The following MYOM3 variants were observed in gnomAD, a reference collection of about 807,000 sequenced individuals.
MYOM3 encodes the protein myomesin-3.
MYOM3 carries 155 observed loss-of-function variants against 191.7 expected under a neutral mutation model. That is an observed-to-expected ratio of 0.81 (90% CI 0.71 to 0.92). The LOEUF is 0.92. Among genes scored for constraint, MYOM3 ranks in the 40% least tolerant of loss-of-function variants. MYOM3 has a pLI of 0.00. For missense variants in MYOM3, 1,889 were observed against 1,890.6 expected (o/e 1.00, Z 0.02); for synonymous variants, 757 against 762.9 (o/e 0.99, Z 0.13).
At chr1:24,068,160 C>T in intron 26 of MYOM3, 63 bp downstream of exon 26, 1 of 1,547,858 alleles carries the variant, frequency 6.5e-7, no homozygotes, top group South Asian at 1.1e-5. Context: ...GGCTGCAGGG[C>T]AGGCCAGGTG....
intron 6 of MYOM3, 47 bp from the exon 7 acceptor site, chr1:24,098,058 A>G: frequency 1.6e-6 from 2 of 1,256,108 alleles, no homozygotes; most frequent in Non-Finnish European, 2.3e-6. Flanking sequence ...GCTGGGCTCC[A>G]TGGGAAACAC....
chr1:24,060,444 G>A (rs1643356877), intron 35 of MYOM3, among the ~76,000 whole-genome samples: 1 of 152,208 alleles, frequency 6.6e-6, no homozygotes, highest in African/African-American at 2.4e-5. Flanking sequence ...TCTTAGAGCT[G>A]TGCTGTCTCC....
intron 3 of MYOM3, among the ~76,000 whole-genome samples, chr1:24,107,693 G>T (rs1436328882): frequency 6.6e-6 from 1 of 152,134 alleles, no homozygotes; most frequent in Non-Finnish European, 1.5e-5. Flanking sequence ...TGCTCCTTCT[G>T]TCCCATTCTT....
chr1:24,079,915 A>G (rs1347149360), intron 20 of MYOM3, 101 bp downstream of exon 20: 6 of 1,114,918 alleles, frequency 5.4e-6, no homozygotes, highest in Non-Finnish European at 7.6e-6. Context: ...CTCTGCTTCC[A>G]TTAAGTGAGA....
chr1:24,100,682 C>A (rs796286379), intron 5 of MYOM3, among the ~76,000 whole-genome samples: 1 of 152,084 alleles, frequency 6.6e-6, no homozygotes, highest in East Asian at 1.9e-4. Context: ...GTCAGGAGCT[C>A]GAGACTATCC....
At chr1:24,067,283 C>CTTT (rs1557602218) in intron 27 of MYOM3, among the ~76,000 whole-genome samples, 195 bp from the exon 28 acceptor site, 6 of 108,732 alleles carry the variant, frequency 5.5e-5, no homozygotes, top group South Asian at 2.8e-4. Context: ...TTTCTTCCTT[C>CTTT]CTTTCTTTCT....
chr1:24,111,333 A>G lies in MYOM3; in HGVS notation c.-19+698T>C, dbSNP rs1432189678. ...CTCTCCCCTTCTTCAGGAGGGAAAG[A>G]GGAATGCACAGCAGTTGAGCCAAGA... is the stretch of plus-strand genomic sequence containing the variant. On this transcript the variant is annotated intron_variant, in intron 1 of 36. Transcript: ENST00000374434. The surrounding 1 kb of genome is among the most constrained non-coding windows in gnomAD (Gnocchi z 4.7). Among the ~76,000 whole-genome samples the G allele has an allele frequency of 6.6e-6, 1 of 152,322 alleles. No homozygotes were observed. The highest frequency in any genetic ancestry group is 1.9e-4 in the East Asian group (1 of 5,178).
chr1:24,093,328 G>A (rs781633644), intron 9 of MYOM3, among the ~76,000 whole-genome samples: 14 of 152,170 alleles, frequency 9.2e-5, no homozygotes, highest in Non-Finnish European at 1.9e-4. Flanking sequence ...GGAAGGGCCA[G>A]TGCGGGGCTG....
chr1:24,084,259 C>T (rs968099239), intron 16 of MYOM3: 1 of 570,524 alleles, frequency 1.8e-6, no homozygotes, highest in South Asian at 2.0e-5. Context: ...TTCTCCCTCT[C>T]CTGCTCCCGC....
chr1:24,105,137 C>G (rs945577843), intron 5 of MYOM3, among the ~76,000 whole-genome samples: 1 of 152,160 alleles, frequency 6.6e-6, no homozygotes, highest in African/African-American at 2.4e-5. Flanking sequence ...GCCATGGTTC[C>G]CCTCCCAGGA....
chr1:24,107,032 G>A (rs1228192825), intron 4 of MYOM3, 41 bp downstream of exon 4: 2 of 1,554,428 alleles, frequency 1.3e-6, no homozygotes, highest in Non-Finnish European at 1.7e-6. Flanking sequence ...GTGGTGCGTC[G>A]CAGGTCCCAG....
In MYOM3 at chr1:24,071,147, G is replaced by T. The variant is rs778606490; in HGVS notation, c.3120C>A (p.Ile1040=). The stretch of plus-strand genomic sequence containing the variant: ...AGCTGAAGATCTCCTTGTTGTTGAA[G>T]ATTAGATGTAGCTCAGCGGCTGGAG... ...KLSPAAELHL[I]FNNKEIFSSP... The change falls in exon 25 of 37, where the codon ATC becomes ATA. Residue 1040 remains isoleucine (I), a synonymous_variant. Transcript: ENST00000374434. 1.9e-6 allele frequency: 3 copies of T among 1,614,132 alleles called. No individual in the cohort carries two copies. In the East Asian group the frequency reaches 6.7e-5, roughly 36 times the overall value.
At chr1:24,110,366 G>GGGTA (rs1557620780) in intron 1 of MYOM3, among the ~76,000 whole-genome samples, 1 of 152,022 alleles carries the variant, frequency 6.6e-6, no homozygotes, top group Non-Finnish European at 1.5e-5. Context: ...GTGCATGTGT[G>GGGTA]TGTATGTGTG....
At chr1:24,075,100 A>AGAAAAGAAAAGAAAAGAAAG (rs930794730) in intron 22 of MYOM3, among the ~76,000 whole-genome samples, 3 of 152,134 alleles carry the variant, frequency 2.0e-5, no homozygotes, top group African/African-American at 7.2e-5. Flanking sequence ...AGAAAAGAAA[A>AGAAAAGAAAAGAAAAGAAAG]GAAAAGAAGA....
At chr1:24,086,527 C>T in intron 15 of MYOM3, 117 bp downstream of exon 15, 1 of 1,053,014 alleles carries the variant, frequency 9.5e-7, no homozygotes. Flanking sequence ...TTTTCAGCTT[C>T]ATGATGGGTA....
Position 24,099,739 on chromosome 1 carries a change from A to T in MYOM3, c.597T>A (p.Phe199Leu). The T allele has an allele frequency of 6.2e-7, 1 of 1,614,134 alleles. No individual in the cohort carries two copies. The highest frequency in any genetic ancestry group is 1.6e-4 in the Middle Eastern group (1 of 6,062). Residue 199 changes from phenylalanine (F) to leucine (L), a missense_variant, in exon 6 of 37, where the codon TTT becomes TTA. Physicochemically the swap from Phe to Leu is conservative, Grantham distance 22. Transcript: ENST00000374434. ...TGGTGATTCGGTATTTTCCGGCACG[A>T]AAGAGGCGGGGATCAATCCGTGTGT... is the stretch of plus-strand genomic sequence containing the variant. ...KNDTRIDPRL[F>L]RAGKYRITNN...
chr1:24,110,125 T>A (rs1644026147), intron 1 of MYOM3, among the ~76,000 whole-genome samples: 1 of 152,130 alleles, frequency 6.6e-6, no homozygotes, highest in Non-Finnish European at 1.5e-5. Context: ...AGGGCCCCCC[T>A]GATGCTAAAG....
At chr1:24,107,289 CTGG>C in intron 3 of MYOM3, 57 bp from the exon 4 acceptor site, 4 of 1,470,518 alleles carry the variant, frequency 2.7e-6, no homozygotes, top group Non-Finnish European at 3.7e-6. Context: ...CTGGGGCATC[CTGG>C]CCAGTTCCAT....
rs1643307720 is a variant in MYOM3, at chr1:24,056,899, TC to T, written c.*464del. On this transcript the variant is annotated 3_prime_UTR_variant, in exon 37 of 37. Transcript: ENST00000374434. ...TGTGTTCCCAGCTCCATCCTCAGCC[TC>T]CCACATGCTAGACTTCAGGTGTCTG... 6.3e-6 allele frequency: 1 copy of T among 157,794 alleles called. No homozygotes were observed. Among genetic ancestry groups the T allele is most frequent in the Non-Finnish European group, 1.4e-5 (1 of 71,760 alleles). The allele number at this position is 157,794 out of a possible 1,614,324, so 9.8% of individuals were successfully genotyped here.
Sources: allele counts gnomAD v4.1 joint callset (sites outside exome capture counted in the v4.1 genomes callset), GRCh38; gene constraint gnomAD v4.1.1; non-coding constraint Gnocchi (gnomAD v3.1); transcripts MANE v1.5; gene names NCBI Gene and HGNC (gene_info 2026-07-23, HGNC 2026-07-21).